The following DZIP3 variants were observed in gnomAD, a reference collection of about 807,000 sequenced individuals.
The protein encoded by DZIP3 is DAZ interacting zinc finger protein 3, also known as E3 ubiquitin-protein ligase DZIP3.
DZIP3 carries 118 observed loss-of-function variants against 162.0 expected under a neutral mutation model. The ratio of observed to expected loss-of-function variants is 0.73; its 90% CI spans 0.63 to 0.85. The LOEUF (loss-of-function observed/expected upper bound fraction) is 0.85. DZIP3 is among the 40% of genes least tolerant of loss of function. The pLI, the probability that DZIP3 is intolerant of heterozygous loss-of-function variation, is 0.00. For missense variants in DZIP3, 1,331 were observed against 1,407.0 expected, an observed-to-expected ratio of 0.95 and a Z score of 0.86; for synonymous variants, 438 against 458.6, an observed-to-expected ratio of 0.96 and a Z score of 0.57.
intron 4 of DZIP3, among the ~76,000 whole-genome samples, chr3:108,614,543 C>A (rs1346723251): frequency 1.3e-5 from 2 of 152,196 alleles, no homozygotes; most frequent in South Asian, 2.1e-4. Context: ...ATTGCCCCCC[C>A]ATACCAATTG....
intron 5 of DZIP3, among the ~76,000 whole-genome samples, chr3:108,622,405 T>C (rs1259967780): frequency 1.3e-5 from 2 of 152,208 alleles, no homozygotes; most frequent in African/African-American, 4.8e-5. Flanking sequence ...TTGAACTTCC[T>C]CAAAACAGCT....
At chr3:108,656,825 A>G (rs901244421) in intron 19 of DZIP3, among the ~76,000 whole-genome samples, 2 of 152,242 alleles carry the variant, frequency 1.3e-5, no homozygotes, top group African/African-American at 4.8e-5. Context: ...ACCACAGCAC[A>G]AGAACTATGT....
intron 19 of DZIP3, among the ~76,000 whole-genome samples, chr3:108,660,004 G>A (rs530918191): frequency 6.6e-6 from 1 of 152,256 alleles, no homozygotes; most frequent in African/African-American, 2.4e-5. Context: ...CAAAGAAATG[G>A]AAGAACATTC....
chr3:108,628,911 G>T lies in DZIP3; in HGVS notation c.582-151G>T, dbSNP rs1576382320. ...CTGTATTTCATGCCAATCTGCCACAGGTGAGAGTGCTAGTATTTGTATTTC... is the reference window on the plus strand; with the variant it reads ...CTGTATTTCATGCCAATCTGCCACATGTGAGAGTGCTAGTATTTGTATTTC... On this transcript the variant is annotated intron_variant, in intron 7 of 32. Coordinates refer to ENST00000361582, the MANE Select transcript of DZIP3 (RefSeq NM_014648.4). The T allele has an allele frequency of 7.7e-6, 4 of 517,532 alleles. No individual in the cohort carries two copies. The East Asian group carries it at 1.4e-4, about 18-fold the overall frequency. 32.1% of individuals were successfully genotyped at this position (517,532 alleles called of 1,614,324 possible). A position where few individuals can be genotyped will look rare whatever the true frequency, so the allele number is the denominator to read the frequency against.
chr3:108,650,863 C>A (rs1942831225), intron 17 of DZIP3, among the ~76,000 whole-genome samples: 1 of 151,360 alleles, frequency 6.6e-6, no homozygotes, highest in Admixed American at 6.6e-5. Context: ...TTTAGTAGAT[C>A]ACAACTGCCG....
intron 10 of DZIP3, among the ~76,000 whole-genome samples, chr3:108,635,655 A>T (rs553542535): frequency 3.6e-4 from 53 of 147,286 alleles, no homozygotes; most frequent in African/African-American, 1.3e-3. Flanking sequence ...ATATTATAAT[A>T]TTATAAATAT....
chr3:108,676,068 A>G (rs1463585812), intron 25 of DZIP3, among the ~76,000 whole-genome samples, 195 bp downstream of exon 25: 2 of 152,198 alleles, frequency 1.3e-5, no homozygotes, highest in East Asian at 3.9e-4. Flanking sequence ...GTAGTCTTTT[A>G]TATCCTTAGT....
intron 2 of DZIP3, among the ~76,000 whole-genome samples, chr3:108,607,803 T>C (rs1940462221): frequency 6.6e-6 from 1 of 152,156 alleles, no homozygotes; most frequent in African/African-American, 2.4e-5. Flanking sequence ...AACAGTGCTA[T>C]AAGGTTTTTT....
At chr3:108,619,914 A>T (rs1403015002) in intron 5 of DZIP3, among the ~76,000 whole-genome samples, 1 of 151,864 alleles carries the variant, frequency 6.6e-6, no homozygotes, top group Non-Finnish European at 1.5e-5. Context: ...AAAAAAAAAA[A>T]ACAGGAAATT....
intron 3 of DZIP3, among the ~76,000 whole-genome samples, chr3:108,608,986 A>G (rs965797499): frequency 6.6e-6 from 1 of 152,168 alleles, no homozygotes; most frequent in African/African-American, 2.4e-5. Flanking sequence ...AAGGGGAAGC[A>G]AGCACGCCTT....
At position 108,633,017 on chromosome 3, in the gene DZIP3, A is replaced by G. The variant is rs766215457; in HGVS notation, c.761A>G (p.Tyr254Cys). The G allele has an allele frequency of 2.0e-6, 3 of 1,506,968 alleles. No homozygotes were observed. The highest frequency in any genetic ancestry group is 2.7e-6 in the Non-Finnish European group (3 of 1,122,384). 93.3% of individuals were successfully genotyped at this position (1,506,968 alleles called of 1,614,324 possible). The change falls in exon 9 of 33, where the codon TAC becomes TGC. Residue 254 changes from tyrosine (Y) to cysteine (C), a missense_variant. Physicochemically the swap from Tyr to Cys is radical, Grantham distance 194. This residue lies in a region of DZIP3 where 1,278 missense variants were observed against 1,317.1 expected (regional missense o/e 0.97). Transcript: ENST00000361582. ...SNIMKQTICS[Y>C]LDCERSCEAD... ...ATAATGAAGCAGACGATTTGTAGTT[A>G]CCTAGATTGTGAACGATCTTGTGAA...
chr3:108,616,775 C>T (rs1043287511), intron 5 of DZIP3, 118 bp downstream of exon 5: 2 of 684,808 alleles, frequency 2.9e-6, no homozygotes, highest in East Asian at 2.7e-5. Context: ...TTTTCTTTTA[C>T]CTCTAGAAAA....
intron 1 of DZIP3, among the ~76,000 whole-genome samples, chr3:108,592,773 A>G (rs1939500868): frequency 6.6e-6 from 1 of 151,322 alleles, no homozygotes; most frequent in South Asian, 2.1e-4. Context: ...ATAGTTTGTC[A>G]TACTGTCTTG....
At chr3:108,661,394 G>C (rs1012591370) in intron 19 of DZIP3, among the ~76,000 whole-genome samples, 1 of 151,946 alleles carries the variant, frequency 6.6e-6, no homozygotes, top group Non-Finnish European at 1.5e-5. Flanking sequence ...GACAAAAAAC[G>C]AAACACCACA....
At chr3:108,662,004 G>T (rs777341498) in intron 20 of DZIP3, 32 bp downstream of exon 20, 1 of 1,600,132 alleles carries the variant, frequency 6.2e-7, no homozygotes. Flanking sequence ...TCTGATGGAA[G>T]TGAGAAGTAT....
At chr3:108,590,676 T>A (rs1304829501) in intron 1 of DZIP3, among the ~76,000 whole-genome samples, 1 of 152,178 alleles carries the variant, frequency 6.6e-6, no homozygotes, top group Non-Finnish European at 1.5e-5. Flanking sequence ...ATTCACCACA[T>A]AAATGAGAGG....
intron 21 of DZIP3, among the ~76,000 whole-genome samples, chr3:108,663,634 AAT>A (rs1436690995): frequency 6.6e-6 from 1 of 152,156 alleles, no homozygotes; most frequent in Non-Finnish European, 1.5e-5. Flanking sequence ...CCAGTCCAGA[AAT>A]ATGTCATATA....
At chr3:108,626,727 C>A (rs539654033) in intron 7 of DZIP3, among the ~76,000 whole-genome samples, 1 of 152,104 alleles carries the variant, frequency 6.6e-6, no homozygotes, top group Non-Finnish European at 1.5e-5. Context: ...AGATATAGAT[C>A]TTAATCAACT....
chr3:108,642,486 G>T lies in DZIP3; in HGVS notation c.1113G>T (p.Pro371=). The T allele has an allele frequency of 6.8e-7, 1 of 1,480,806 alleles. No individual in the cohort carries two copies. 91.7% of individuals were successfully genotyped at this position (1,480,806 alleles called of 1,614,324 possible). A position where few individuals can be genotyped will look rare whatever the true frequency, so the allele number is the denominator to read the frequency against. Residue 371 remains proline, a synonymous_variant, in exon 13 of 33, where the codon CCG becomes CCT. Coordinates refer to ENST00000361582, the MANE Select transcript of DZIP3 (RefSeq NM_014648.4). ...AAATAACTGATACTGATATAAGACCGAAGATCAGTTTAAAATTTAATACAA... is the reference window on the plus strand; with the variant it reads ...AAATAACTGATACTGATATAAGACCTAAGATCAGTTTAAAATTTAATACAA... ...SLKITDTDIR[P]KISLKFNTKD...
Sources: allele counts gnomAD v4.1 joint callset (sites outside exome capture counted in the v4.1 genomes callset), GRCh38; gene constraint gnomAD v4.1.1; regional missense constraint gnomAD v4.1.1; transcripts MANE v1.5; gene names NCBI Gene and HGNC (gene_info 2026-07-23, HGNC 2026-07-21).